Variants in DCC observed in about 807,000 individuals in gnomAD.
The protein encoded by DCC is netrin receptor DCC.
A neutral mutation model predicts 172.5 loss-of-function variants in DCC; 58 were observed. The ratio of observed to expected loss-of-function variants is 0.34; its 90% CI spans 0.27 to 0.42. The LOEUF (loss-of-function observed/expected upper bound fraction) is 0.42, where lower values mean the gene tolerates loss of function less well. Ranked by LOEUF, DCC falls within the 10% of genes least tolerant of loss-of-function variation. The probability of loss-of-function intolerance (pLI) is 1.00; values close to 1 mark genes in which losing one functional copy is unlikely to be tolerated. For missense variants in DCC, 1,740 were observed against 1,791.0 expected (o/e 0.97, Z 0.51); for synonymous variants, 709 against 644.5 (o/e 1.10, Z -1.52).
intron 1 of DCC, among the ~76,000 whole-genome samples, chr18:52,501,788 A>G (rs2031032561): frequency 6.6e-6 from 1 of 152,178 alleles, no homozygotes; most frequent in South Asian, 2.1e-4. Flanking sequence ...GGGCACATAT[A>G]CTTTCTTCTC....
At chr18:52,961,277 A>C (rs904592959) in intron 5 of DCC, among the ~76,000 whole-genome samples, 1 of 152,120 alleles carries the variant, frequency 6.6e-6, no homozygotes, top group Non-Finnish European at 1.5e-5. Context: ...TGTACCCTAA[A>C]ACTTAAAGTA....
intron 1 of DCC, among the ~76,000 whole-genome samples, chr18:52,618,253 G>A (rs1022723282): frequency 2.6e-5 from 4 of 151,932 alleles, no homozygotes; most frequent in Non-Finnish European, 4.4e-5. Context: ...ACAGAAGAAA[G>A]TTTAAAAACC....
At chr18:53,272,479 G>A (rs977199251) in intron 12 of DCC, among the ~76,000 whole-genome samples, 4 of 152,094 alleles carry the variant, frequency 2.6e-5, no homozygotes, top group South Asian at 2.1e-4. Flanking sequence ...GTTTTTCAAA[G>A]AGGTATGCGT....
At chr18:53,119,891 G>C (rs1042458507) in intron 7 of DCC, among the ~76,000 whole-genome samples, 15 of 151,978 alleles carry the variant, frequency 9.9e-5, no homozygotes, top group East Asian at 2.0e-4. Flanking sequence ...TGGATAGGAT[G>C]TGATTTGTAA....
intron 5 of DCC, among the ~76,000 whole-genome samples, chr18:52,948,118 AAAAG>A (rs2040577742): frequency 6.6e-6 from 1 of 152,214 alleles, no homozygotes; most frequent in Non-Finnish European, 1.5e-5. Context: ...GGAAAAATCT[AAAAG>A]AATGTTGTTA....
chr18:52,539,133 T>C (rs1384636751), intron 1 of DCC, among the ~76,000 whole-genome samples: 2 of 152,196 alleles, frequency 1.3e-5, no homozygotes, highest in African/African-American at 4.8e-5. Flanking sequence ...TGAGTCAATG[T>C]ACATTTTGAG....
chr18:52,707,184 C>T (rs534490951), intron 1 of DCC, among the ~76,000 whole-genome samples: 115 of 152,280 alleles, frequency 7.6e-4, no homozygotes, highest in African/African-American at 2.5e-3. Context: ...ATTTCTACTC[C>T]TTTGAATGTT....
At chr18:53,469,089 A>G (rs2045663738) in intron 25 of DCC, among the ~76,000 whole-genome samples, 1 of 152,118 alleles carries the variant, frequency 6.6e-6, no homozygotes, top group Non-Finnish European at 1.5e-5. Context: ...CAATCCCACC[A>G]GGACCTCCAA....
intron 1 of DCC, among the ~76,000 whole-genome samples, chr18:52,727,008 T>A (rs1272778756): frequency 6.6e-6 from 1 of 152,186 alleles, no homozygotes; most frequent in East Asian, 1.9e-4. Context: ...GGATGTTTTC[T>A]AAGAGTCTAA....
chr18:52,459,881 T>C (rs1400692057), intron 1 of DCC, among the ~76,000 whole-genome samples: 2 of 88,808 alleles, frequency 2.3e-5, no homozygotes, highest in African/African-American at 7.5e-5. Flanking sequence ...TGCATAGTAT[T>C]CATATATATA....
intron 1 of DCC, among the ~76,000 whole-genome samples, chr18:52,715,759 T>C (rs2036370110): frequency 6.6e-6 from 1 of 152,160 alleles, no homozygotes; most frequent in Admixed American, 6.5e-5. Flanking sequence ...AGAGCCTTAA[T>C]GTGTCATCAA....
chr18:52,854,696 T>C (rs1472681724), intron 2 of DCC, among the ~76,000 whole-genome samples: 1 of 152,224 alleles, frequency 6.6e-6, no homozygotes, highest in Non-Finnish European at 1.5e-5. Flanking sequence ...AATCGCCTTG[T>C]AAGCACTTGC....
intron 1 of DCC, among the ~76,000 whole-genome samples, chr18:52,489,336 A>T (rs117039926): frequency 0.019 from 2,954 of 152,176 alleles, 49 homozygotes; most frequent in Non-Finnish European, 0.029. Flanking sequence ...TTTTAACCTG[A>T]CCTCAGTTTT....
chr18:52,991,407 G>A (rs1467343976), intron 5 of DCC, among the ~76,000 whole-genome samples: 4 of 152,144 alleles, frequency 2.6e-5, no homozygotes, highest in Non-Finnish European at 4.4e-5. Context: ...TTGGCAGATT[G>A]AAGGGCGTAT....
intron 1 of DCC, among the ~76,000 whole-genome samples, chr18:52,573,357 T>C (rs2033343755): frequency 1.3e-5 from 2 of 152,190 alleles, no homozygotes; most frequent in South Asian, 4.1e-4. Flanking sequence ...GCCTTTAAGT[T>C]GCCTGAACTA....
intron 2 of DCC, among the ~76,000 whole-genome samples, chr18:52,787,781 A>G (rs555604420): frequency 3.9e-5 from 6 of 152,252 alleles, no homozygotes; most frequent in Admixed American, 2.6e-4. Flanking sequence ...ATCCCAGATT[A>G]CCATAAATTA....
At chr18:52,602,743 T>C (rs2034044273) in intron 1 of DCC, among the ~76,000 whole-genome samples, 1 of 152,060 alleles carries the variant, frequency 6.6e-6, no homozygotes, top group Non-Finnish European at 1.5e-5. Context: ...ACAGGTTACT[T>C]TTTATGCCCT....
At chr18:52,614,656 T>C (rs72917027) in intron 1 of DCC, among the ~76,000 whole-genome samples, 40,488 of 151,806 alleles carry the variant, frequency 0.27, 5,755 homozygotes, top group Middle Eastern at 0.34. Context: ...AAAAAATAGA[T>C]AAAAAAGGAA....
At chr18:53,106,877 T>C (rs2144236740) in intron 7 of DCC, among the ~76,000 whole-genome samples, 1 of 152,086 alleles carries the variant, frequency 6.6e-6, no homozygotes, top group African/African-American at 2.4e-5. Context: ...CAAGAATGCC[T>C]GATAAAAGAT....
Sources: gnomAD v4.1 joint callset for allele counts (sites outside exome capture counted in the v4.1 genomes callset) on GRCh38, gnomAD v4.1.1 for gene constraint, MANE v1.5 for transcripts, NCBI Gene and HGNC (gene_info 2026-07-23, HGNC 2026-07-21) for gene names.